Variants in MAP2 observed in about 807,000 individuals in gnomAD.
MAP2 encodes the protein microtubule associated protein 2.
MAP2 carries 14 observed loss-of-function variants against 137.6 expected under a neutral mutation model. The ratio of observed to expected loss-of-function variants is 0.10; its 90% CI spans 0.07 to 0.16. The LOEUF is 0.16. Among genes scored for constraint, MAP2 ranks in the 10% least tolerant of loss-of-function variants. The pLI is 1.00. For missense variants in MAP2, 2,088 were observed against 2,191.5 expected (o/e 0.95, Z 0.94); for synonymous variants, 786 against 782.3 (o/e 1.00, Z -0.08).
rs369522115 is a variant in MAP2 at position 209,644,228 on chromosome 2, A to T, written c.-29-8914A>T. Among the ~76,000 whole-genome samples, 30 of 152,328 alleles carry T rather than the reference A, an allele frequency of 2.0e-4. No homozygotes were observed. In the East Asian group the frequency reaches 4.4e-3, roughly 23 times the overall value. ...AACATTTTCTCCAATGGATTGAAGT[A>T]GTTTATCTTAAAAGTATTTCTAAAC... On this transcript the variant is annotated intron_variant, in intron 4 of 15. Coordinates refer to ENST00000682079, the MANE Select transcript of MAP2 (RefSeq NM_001375505.1).
chr2:209,640,976 A>T (rs1387681549), intron 4 of MAP2, among the ~76,000 whole-genome samples: 3 of 148,394 alleles, frequency 2.0e-5, no homozygotes, highest in African/African-American at 7.5e-5. Context: ...TTCTTCCATG[A>T]TGTATAATAT....
At chr2:209,639,371 T>G (rs2093827042) in intron 4 of MAP2, among the ~76,000 whole-genome samples, 1 of 152,184 alleles carries the variant, frequency 6.6e-6, no homozygotes, top group Non-Finnish European at 1.5e-5. Context: ...TTTATTAGAC[T>G]GTATTAATTT....
At chr2:209,520,548 T>A (rs1460577315) in intron 2 of MAP2, among the ~76,000 whole-genome samples, 2 of 152,084 alleles carry the variant, frequency 1.3e-5, no homozygotes, top group East Asian at 3.9e-4. Flanking sequence ...GCTTAATCTT[T>A]CCAGCAGAAA....
At chr2:209,574,433 AC>A (rs2074967581) in intron 2 of MAP2, among the ~76,000 whole-genome samples, 1 of 15,466 alleles carries the variant, frequency 6.5e-5, no homozygotes, top group Non-Finnish European at 1.6e-4. Context: ...TAGTATAGAT[AC>A]ACACACACAC....
intron 5 of MAP2, among the ~76,000 whole-genome samples, chr2:209,660,700 CAATTAT>C (rs2043101275): frequency 8.3e-6 from 1 of 120,130 alleles, no homozygotes; most frequent in South Asian, 2.9e-4. Context: ...CGGCCTGCTG[CAATTAT>C]TATTATTATT....
chr2:209,440,192 G>A (rs1198697833), intron 1 of MAP2, among the ~76,000 whole-genome samples: 1 of 151,422 alleles, frequency 6.6e-6, no homozygotes, highest in Non-Finnish European at 1.5e-5. Context: ...TATCCCAGTT[G>A]TGTCTATGAA....
chr2:209,485,105 G>A (rs756601801), intron 1 of MAP2, among the ~76,000 whole-genome samples: 12 of 152,154 alleles, frequency 7.9e-5, no homozygotes, highest in Non-Finnish European at 2.9e-5. Flanking sequence ...CTTTGCTGTG[G>A]CACTAGATTC....
At chr2:209,632,174 T>A (rs1307836765) in intron 4 of MAP2, among the ~76,000 whole-genome samples, 1 of 152,124 alleles carries the variant, frequency 6.6e-6, no homozygotes, top group East Asian at 1.9e-4. Context: ...TATGTGGCAG[T>A]GGACAAGAAA....
intron 3 of MAP2, among the ~76,000 whole-genome samples, chr2:209,615,651 C>T (rs1018369144): frequency 1.3e-5 from 2 of 152,128 alleles, no homozygotes; most frequent in Non-Finnish European, 2.9e-5. Context: ...CAGGAGGCAG[C>T]CAAATGCCTA....
At chr2:209,581,314 C>A (rs1397930264) in intron 3 of MAP2, among the ~76,000 whole-genome samples, 1 of 152,108 alleles carries the variant, frequency 6.6e-6, no homozygotes, top group African/African-American at 2.4e-5. Flanking sequence ...GTGTAGGCAG[C>A]ATCACATAAA....
At chr2:209,651,142 T>G (rs1033518283) in intron 4 of MAP2, among the ~76,000 whole-genome samples, 1 of 152,160 alleles carries the variant, frequency 6.6e-6, no homozygotes, top group Non-Finnish European at 1.5e-5. Context: ...CAATTAGATC[T>G]TTTGATATGT....
chr2:209,636,980 G>C (rs2093623378), intron 4 of MAP2, among the ~76,000 whole-genome samples: 1 of 152,080 alleles, frequency 6.6e-6, no homozygotes, highest in Non-Finnish European at 1.5e-5. Flanking sequence ...GCTTGTATAG[G>C]ATCCTGTAGA....
chr2:209,621,091 G>C (rs1438971769), intron 3 of MAP2, among the ~76,000 whole-genome samples: 1 of 151,268 alleles, frequency 6.6e-6, no homozygotes, highest in African/African-American at 2.4e-5. Flanking sequence ...GCTACTCTGG[G>C]GACTGAGGCA....
chr2:209,712,241 C>T (rs1018943028), intron 13 of MAP2, among the ~76,000 whole-genome samples: 5 of 152,010 alleles, frequency 3.3e-5, no homozygotes, highest in Non-Finnish European at 7.4e-5. Context: ...TAATTGACTT[C>T]TATATTTGGT....
intron 4 of MAP2, among the ~76,000 whole-genome samples, chr2:209,626,961 C>T (rs1245163597): frequency 6.6e-6 from 1 of 152,058 alleles, no homozygotes; most frequent in Non-Finnish European, 1.5e-5. Flanking sequence ...TATATAATAT[C>T]ATGCCAATCC....
At chr2:209,577,382 C>T (rs2075526814) in intron 2 of MAP2, among the ~76,000 whole-genome samples, 1 of 151,926 alleles carries the variant, frequency 6.6e-6, no homozygotes, top group African/African-American at 2.4e-5. Context: ...CAGCAACTGT[C>T]TTTTAGACAT....
chr2:209,544,857 A>G (rs1022074832), intron 2 of MAP2, among the ~76,000 whole-genome samples: 3 of 152,224 alleles, frequency 2.0e-5, no homozygotes, highest in Non-Finnish European at 4.4e-5. Flanking sequence ...ATTGAAATAC[A>G]ATTACAGCAA....
chr2:209,601,604 C>A (rs77554493), intron 3 of MAP2, among the ~76,000 whole-genome samples: 26 of 152,142 alleles, frequency 1.7e-4, no homozygotes, highest in Non-Finnish European at 3.5e-4. Context: ...GTTTTTATTT[C>A]TTTAGTGTTT....
At chr2:209,705,489 T>C in intron 11 of MAP2, 91 bp from the exon 12 acceptor site, 1 of 1,043,192 alleles carries the variant, frequency 9.6e-7, no homozygotes. Flanking sequence ...ATTCATTTAT[T>C]AGCACAGGAG....
Sources: allele counts gnomAD v4.1 joint callset (sites outside exome capture counted in the v4.1 genomes callset), GRCh38; gene constraint gnomAD v4.1.1; transcripts MANE v1.5; gene names NCBI Gene and HGNC (gene_info 2026-07-23, HGNC 2026-07-21).